The following NUDT13 variants were observed in gnomAD, a reference collection of about 807,000 sequenced individuals.
NUDT13 encodes the protein NAD(P)H pyrophosphatase NUDT13, mitochondrial.
A neutral mutation model predicts 41.7 loss-of-function variants in NUDT13; 40 were observed. That is an observed-to-expected ratio of 0.96 (90% CI 0.75 to 1.25). NUDT13 has a LOEUF of 1.25. NUDT13 is among the 50% of genes most tolerant of loss of function. The probability of loss-of-function intolerance (pLI) is 0.00; values close to 1 mark genes in which losing one functional copy is unlikely to be tolerated. For synonymous variants in NUDT13, 145 were observed against 155.5 expected (o/e 0.93, Z 0.50); for missense variants, 390 against 416.1 (o/e 0.94, Z 0.55).
At chr10:73,120,940 A>C (rs1228297927) in intron 3 of NUDT13, among the ~76,000 whole-genome samples, 1 of 150,218 alleles carries the variant, frequency 6.7e-6, no homozygotes, top group South Asian at 2.1e-4. Flanking sequence ...TCCATCTCAA[A>C]AAAAAAAAAA....
At chr10:73,118,926 C>T (rs577350067) in intron 2 of NUDT13, among the ~76,000 whole-genome samples, 7 of 151,856 alleles carry the variant, frequency 4.6e-5, no homozygotes, top group South Asian at 4.2e-4. Flanking sequence ...CAGCTGAGAT[C>T]GTGCCACTGC....
chr10:73,115,333 T>C (rs1589652729), intron 2 of NUDT13, among the ~76,000 whole-genome samples: 1 of 152,104 alleles, frequency 6.6e-6, no homozygotes, highest in Non-Finnish European at 1.5e-5. Context: ...TATGCCACCA[T>C]GCCTGGCTAA....
intron 1 of NUDT13, among the ~76,000 whole-genome samples, chr10:73,113,449 G>T (rs1215661342): frequency 7.9e-5 from 12 of 152,208 alleles, no homozygotes; most frequent in African/African-American, 2.4e-5. Flanking sequence ...TAGTTTTGGG[G>T]TTATTAAAGT....
intron 8 of NUDT13, among the ~76,000 whole-genome samples, chr10:73,129,290 A>G (rs930249690): frequency 3.4e-5 from 5 of 148,910 alleles, no homozygotes; most frequent in African/African-American, 5.0e-5. Context: ...CTCCTGCCTC[A>G]GCCTCCCGAG....
chr10:73,124,533 T>C (rs1052736268), intron 5 of NUDT13: 9 of 526,146 alleles, frequency 1.7e-5, no homozygotes, highest in African/African-American at 1.1e-4. Context: ...TCAAGATCAT[T>C]GTCTCCTAAA....
At chr10:73,119,568 C>A in intron 2 of NUDT13, 1 of 662,160 alleles carries the variant, frequency 1.5e-6, no homozygotes, top group Non-Finnish European at 1.9e-6. Context: ...TTTCCTTTCA[C>A]TCCACTGCAT....
chr10:73,126,969 C>T, intron 8 of NUDT13, 142 bp downstream of exon 8: 1 of 742,420 alleles, frequency 1.3e-6, no homozygotes, highest in Non-Finnish European at 2.2e-6. Context: ...TAGGGCTGAG[C>T]ACGGTGGCTC....
chr10:73,121,268 G>T (rs1842640192), intron 3 of NUDT13, among the ~76,000 whole-genome samples: 1 of 152,118 alleles, frequency 6.6e-6, no homozygotes, highest in Non-Finnish European at 1.5e-5. Context: ...AACAAAATGT[G>T]AACTTTCAGT....
At position 73,110,916 on chromosome 10, in the gene NUDT13, G is replaced by A. The variant is rs532721535; in HGVS notation, c.-10+349G>A. 8.5e-5 allele frequency among the ~76,000 whole-genome samples: 13 copies of A among 152,220 alleles called. No individual in the cohort carries two copies. In the South Asian group the frequency reaches 2.5e-3, roughly 29 times the overall value. ...GCAGGTCAGTGAGACCTTCAAAGCTGTATTCCCGTGGTTCCTCAGTTTTCC... is the reference window on the plus strand; with the variant it reads ...GCAGGTCAGTGAGACCTTCAAAGCTATATTCCCGTGGTTCCTCAGTTTTCC... On this transcript the variant is annotated intron_variant, in intron 1 of 8. Coordinates refer to ENST00000357321, the MANE Select transcript of NUDT13 (RefSeq NM_015901.6).
At chr10:73,112,272 G>T (rs1842383251) in intron 1 of NUDT13, among the ~76,000 whole-genome samples, 1 of 152,124 alleles carries the variant, frequency 6.6e-6, no homozygotes, top group Non-Finnish European at 1.5e-5. Context: ...AGAATCGCTT[G>T]AACCCGGGAG....
chr10:73,118,255 AT>A (rs1183007554), intron 2 of NUDT13, among the ~76,000 whole-genome samples: 1 of 152,190 alleles, frequency 6.6e-6, no homozygotes. Flanking sequence ...TTTGTCTTCT[AT>A]TTATAAAGAG....
In NUDT13 at chr10:73,126,672, G is replaced by C; in HGVS notation, c.704-1G>C. 1 of 1,614,054 alleles carries C rather than the reference G, an allele frequency of 6.2e-7. No individual in the cohort carries two copies. Among genetic ancestry groups the C allele is most frequent in the South Asian group, 1.1e-5 (1 of 91,072 alleles). ...TCCTGAATTAATCTGAGTGCTTGTA[G>C]GTGAAAGTGTGGAAGAGACCATCCG... On this transcript the variant is annotated splice_acceptor_variant, in intron 7 of 8. Transcript: ENST00000357321. LOFTEE classifies it high-confidence loss of function.
Position 73,124,246 on chromosome 10 carries a change from C to T in NUDT13, c.391C>T (p.Leu131Phe). The change falls in exon 5 of 9, where the codon CTC becomes TTC. Residue 131 changes from leucine to phenylalanine, a missense_variant. Transcript: ENST00000357321. ...SLHKPEMETELKGSFIELRKA... is the reference protein window; with the variant it reads ...SLHKPEMETEFKGSFIELRKA... Reference sequence around the variant, plus strand: ...ACACAAACCTGAAATGGAGACAGAGCTCAAGGGGTCTTTCATTGAGCTGAG... The same window carrying T: ...ACACAAACCTGAAATGGAGACAGAGTTCAAGGGGTCTTTCATTGAGCTGAG... The T allele has an allele frequency of 6.2e-7, 1 of 1,613,026 alleles. No homozygotes were observed. Among genetic ancestry groups the T allele is most frequent in the Non-Finnish European group, 8.5e-7 (1 of 1,179,620 alleles).
intron 7 of NUDT13, 115 bp from the exon 8 acceptor site, chr10:73,126,558 C>A: frequency 8.3e-7 from 1 of 1,200,082 alleles, no homozygotes; most frequent in Non-Finnish European, 1.2e-6. Context: ...TAGGACACTC[C>A]CAAGAGCATT....
At chr10:73,115,811 T>C (rs536364987) in intron 2 of NUDT13, among the ~76,000 whole-genome samples, 1 of 152,006 alleles carries the variant, frequency 6.6e-6, no homozygotes, top group Non-Finnish European at 1.5e-5. Context: ...AGAACTAAAC[T>C]TCAGTGAAAG....
At chr10:73,125,007 TAA>T (rs1842735414) in intron 5 of NUDT13, 109 bp from the exon 6 acceptor site, 1 of 1,294,708 alleles carries the variant, frequency 7.7e-7, no homozygotes, top group African/African-American at 1.5e-5. Context: ...ACGTGAGCTG[TAA>T]AGAGATTGGC....
At chr10:73,126,612 G>C in intron 7 of NUDT13, 61 bp from the exon 8 acceptor site, 2 of 1,570,002 alleles carry the variant, frequency 1.3e-6, no homozygotes, top group Non-Finnish European at 1.7e-6. Context: ...TTCTCAAATG[G>C]GCTGTCTGTA....
At chr10:73,128,305 T>G (rs1215982039) in intron 8 of NUDT13, among the ~76,000 whole-genome samples, 4 of 152,190 alleles carry the variant, frequency 2.6e-5, no homozygotes, top group Non-Finnish European at 1.5e-5. Flanking sequence ...CCATATTTTT[T>G]TCCATAGTAG....
intron 8 of NUDT13, among the ~76,000 whole-genome samples, chr10:73,127,062 G>A (rs918980156): frequency 6.6e-6 from 1 of 150,526 alleles, no homozygotes; most frequent in African/African-American, 2.5e-5. Context: ...TGGCCAACAT[G>A]GCAAAACTCC....
Sources: allele counts gnomAD v4.1 joint callset (sites outside exome capture counted in the v4.1 genomes callset), GRCh38; gene constraint gnomAD v4.1.1; transcripts MANE v1.5; gene names NCBI Gene and HGNC (gene_info 2026-07-23, HGNC 2026-07-21).